Variants in BRWD3 observed in about 807,000 individuals in gnomAD.
BRWD3 encodes bromodomain and WD repeat domain containing 3.
BRWD3 carries 10 observed loss-of-function variants against 149.7 expected under a neutral mutation model. The observed-to-expected ratio is 0.07, with a 90% CI of 0.04 to 0.11. The LOEUF (loss-of-function observed/expected upper bound fraction) is 0.11. Ranked by LOEUF, BRWD3 falls within the 10% of genes least tolerant of loss-of-function variation. BRWD3 has a pLI of 1.00. For missense variants in BRWD3, 940 were observed against 1,373.2 expected (o/e 0.68, Z 4.99); for synonymous variants, 504 against 456.7 (o/e 1.10, Z -1.32).
At chrX:80,746,069 T>C (rs1210723962) in intron 6 of BRWD3, among the ~76,000 whole-genome samples, 1 of 110,784 alleles carries the variant, frequency 9.0e-6, no homozygotes, top group Non-Finnish European at 1.9e-5. Context: ...CATGAAGAAA[T>C]TTTAGAATAA....
chrX:80,735,177 G>A lies in BRWD3; in HGVS notation c.935C>T (p.Thr312Ile). The change falls in exon 10 of 41, where the codon ACT becomes ATT. Residue 312 changes from threonine to isoleucine, a missense_variant. Coordinates refer to ENST00000373275, the MANE Select transcript of BRWD3 (RefSeq NM_153252.5). ...MKFRDRPVKF[T>I]ERSRPGVQIS... ...CTGGACTCCAGGTCTGGATCTCTCA[G>A]TAAATTTCACCGGGCGATCTCTAAA... 8.3e-7 allele frequency: 1 copy of A among 1,207,730 alleles called. No individual in the cohort carries two copies. The highest frequency in any genetic ancestry group is 1.1e-6 in the Non-Finnish European group (1 of 892,131).
chrX:80,732,875 C>T (rs1223590932), intron 12 of BRWD3, among the ~76,000 whole-genome samples: 2 of 111,890 alleles, frequency 1.8e-5, no homozygotes, highest in South Asian at 3.7e-4. Flanking sequence ...CATGGTGGCT[C>T]ACGCCTGTAA....
At chrX:80,759,298 C>T (rs1159324284) in intron 6 of BRWD3, among the ~76,000 whole-genome samples, 2 of 112,022 alleles carry the variant, frequency 1.8e-5, no homozygotes, top group Non-Finnish European at 3.8e-5. Flanking sequence ...AGTTCACCAT[C>T]TATAGTTTCT....
chrX:80,713,687 T>TA (rs1196274944), intron 20 of BRWD3, among the ~76,000 whole-genome samples: 2 of 109,510 alleles, frequency 1.8e-5, no homozygotes, highest in African/African-American at 3.3e-5. Context: ...GAATGATCAA[T>TA]AAAAAAATAA....
chrX:80,687,513 A>G (rs1289922852), intron 34 of BRWD3, among the ~76,000 whole-genome samples: 4 of 111,657 alleles, frequency 3.6e-5, no homozygotes, highest in Non-Finnish European at 7.5e-5. Context: ...TAATTATTAT[A>G]GAGCAGAAGT....
chrX:80,706,482 A>T (rs751088984), intron 22 of BRWD3, among the ~76,000 whole-genome samples: 14 of 111,673 alleles, frequency 1.3e-4, no homozygotes, highest in Non-Finnish European at 2.6e-4. Context: ...TTATTTTAAA[A>T]TTTTGTTTAA....
chrX:80,721,782 C>G (rs980694025), intron 17 of BRWD3, among the ~76,000 whole-genome samples: 3 of 111,690 alleles, frequency 2.7e-5, no homozygotes, highest in Non-Finnish European at 5.6e-5. Context: ...TACCCTACAC[C>G]CAATAACTCT....
intron 35 of BRWD3, 133 bp downstream of exon 35, chrX:80,686,730 T>C (rs748442595): frequency 1.5e-6 from 1 of 648,644 alleles, no homozygotes; most frequent in African/African-American, 2.3e-5. Context: ...ATCACACTAC[T>C]ACTTTCACAA....
At chrX:80,772,255 T>C (rs1161486460) in intron 6 of BRWD3, among the ~76,000 whole-genome samples, 1 of 112,029 alleles carries the variant, frequency 8.9e-6, no homozygotes, top group African/African-American at 3.2e-5. Context: ...TAAGAAAATG[T>C]GGCACATATA....
intron 17 of BRWD3, among the ~76,000 whole-genome samples, chrX:80,721,183 TTTC>T (rs1408600828): frequency 8.9e-6 from 1 of 112,424 alleles, no homozygotes; most frequent in African/African-American, 3.2e-5. Flanking sequence ...AATCTTTTTC[TTTC>T]TTAAGTATAT....
intron 6 of BRWD3, among the ~76,000 whole-genome samples, chrX:80,788,894 GAAGTA>G (rs1297617695): frequency 2.7e-5 from 3 of 111,863 alleles, no homozygotes; most frequent in Non-Finnish European, 3.8e-5. Context: ...TAAATAACAT[GAAGTA>G]TAGTCAGTCA....
At chrX:80,749,724 C>T (rs1033774506) in intron 6 of BRWD3, among the ~76,000 whole-genome samples, 5 of 110,860 alleles carry the variant, frequency 4.5e-5, no homozygotes, top group African/African-American at 1.6e-4. Flanking sequence ...ACATTTTTCA[C>T]ATAAATAGAA....
chrX:80,719,701 G>C (rs969166499), intron 17 of BRWD3, 45 bp from the exon 18 acceptor site: 5 of 1,141,570 alleles, frequency 4.4e-6, no homozygotes, highest in Non-Finnish European at 6.0e-6. Context: ...TTACATTTTA[G>C]TATACCTTAA....
At chrX:80,692,218 T>A in intron 28 of BRWD3, 68 bp from the exon 29 acceptor site, 1 of 994,897 alleles carries the variant, frequency 1.0e-6, no homozygotes, top group Non-Finnish European at 1.4e-6. Flanking sequence ...ACTACCACAA[T>A]TTTACATGAC....
At chrX:80,704,632 A>C (rs763407847) in intron 23 of BRWD3, 46 bp downstream of exon 23, 89 of 1,157,146 alleles carry the variant, frequency 7.7e-5, no homozygotes, top group Non-Finnish European at 1.0e-4. Context: ...ATCAAAGGCA[A>C]AAAACAAAAA....
intron 6 of BRWD3, among the ~76,000 whole-genome samples, chrX:80,768,346 C>A (rs986831374): frequency 9.0e-6 from 1 of 111,332 alleles, no homozygotes; most frequent in Admixed American, 9.6e-5. Flanking sequence ...TCGAGTTACC[C>A]ACAAAGAGAA....
At chrX:80,755,169 T>G (rs1478837489) in intron 6 of BRWD3, among the ~76,000 whole-genome samples, 1 of 111,385 alleles carries the variant, frequency 9.0e-6, no homozygotes, top group Non-Finnish European at 1.9e-5. Context: ...ATCTTTTAGC[T>G]GTGCTGTTAG....
chrX:80,716,988 C>G (rs2073082057), intron 19 of BRWD3: 1 of 112,006 alleles, frequency 8.9e-6, no homozygotes, highest in Non-Finnish European at 1.9e-5. Context: ...TAGGAAGATA[C>G]TTGATTAAAA....
chrX:80,736,713 C>A (rs957732461), intron 8 of BRWD3, among the ~76,000 whole-genome samples: 1 of 106,956 alleles, frequency 9.3e-6, no homozygotes, highest in African/African-American at 3.4e-5. Context: ...AAAAAGTTGT[C>A]AATACAGAGG....
Sources: allele counts gnomAD v4.1 joint callset (sites outside exome capture counted in the v4.1 genomes callset), GRCh38; gene constraint gnomAD v4.1.1; transcripts MANE v1.5; gene names NCBI Gene and HGNC (gene_info 2026-07-23, HGNC 2026-07-21).